Variants in CLEC16A observed in about 807,000 individuals in gnomAD.
CLEC16A encodes C-type lectin domain containing 16A.
A neutral mutation model predicts 109.5 loss-of-function variants in CLEC16A; 51 were observed. The ratio of observed to expected loss-of-function variants is 0.47; its 90% CI spans 0.37 to 0.59. The LOEUF (loss-of-function observed/expected upper bound fraction) is 0.59. Among genes scored for constraint, CLEC16A ranks in the 20% least tolerant of loss-of-function variants. The pLI is 0.00. For synonymous variants in CLEC16A, 673 were observed against 564.2 expected, an observed-to-expected ratio of 1.19 and a Z score of -2.73; for missense variants, 1,339 against 1,394.0, an observed-to-expected ratio of 0.96 and a Z score of 0.63.
At chr16:11,148,444 T>G (rs1043648380) in intron 22 of CLEC16A, among the ~76,000 whole-genome samples, 2 of 152,170 alleles carry the variant, frequency 1.3e-5, no homozygotes, top group Non-Finnish European at 2.9e-5. Flanking sequence ...GAGCAATTAC[T>G]GCATATCAGA....
intron 19 of CLEC16A, among the ~76,000 whole-genome samples, chr16:11,109,746 G>A (rs1358668033): frequency 6.6e-6 from 1 of 152,222 alleles, no homozygotes; most frequent in Non-Finnish European, 1.5e-5. Flanking sequence ...GAATTCCAGG[G>A]TGAGCCTGCC....
At chr16:11,150,271 G>T (rs1182129058) in intron 22 of CLEC16A, 1 of 152,194 alleles carries the variant, frequency 6.6e-6, no homozygotes, top group Admixed American at 6.5e-5. Context: ...ATCTGTAATT[G>T]TGTTAAGGTT....
chr16:11,015,161 G>A (rs972211189), intron 11 of CLEC16A, among the ~76,000 whole-genome samples: 2 of 152,292 alleles, frequency 1.3e-5, no homozygotes, highest in East Asian at 1.9e-4. Flanking sequence ...GATCTGATCC[G>A]CATTCATCTA....
At chr16:10,986,499 G>A (rs1003774410) in intron 10 of CLEC16A, among the ~76,000 whole-genome samples, 1 of 152,144 alleles carries the variant, frequency 6.6e-6, no homozygotes, top group African/African-American at 2.4e-5. Context: ...CCATTGCTCT[G>A]TGGAGTCACC....
rs754736550 is a variant in CLEC16A, at chr16:11,178,495, C to T, written c.2967C>T (p.Pro989=). The T allele has an allele frequency of 6.2e-7, 1 of 1,613,618 alleles. No homozygotes were observed. Among genetic ancestry groups the T allele is most frequent in the Non-Finnish European group, 8.5e-7 (1 of 1,179,886 alleles). ...LSPSLVPARQ[P]TISLLCEDTA... ...CCAGCCTCGTCCCTGCCCGGCAGCC[C>T]ACCATTTCCCTGCTCTGCGAGGACA... is the stretch of plus-strand genomic sequence containing the variant. The change falls in exon 24 of 24, where the codon CCC becomes CCT. Residue 989 remains proline (P), a synonymous_variant. Coordinates refer to ENST00000409790, the MANE Select transcript of CLEC16A (RefSeq NM_015226.3). This position sits in a 1 kb window ranked among gnomAD's most constrained non-coding sequence, Gnocchi z 6.5.
intron 11 of CLEC16A, among the ~76,000 whole-genome samples, chr16:11,013,972 G>A (rs1567196077): frequency 6.6e-6 from 1 of 151,618 alleles, no homozygotes; most frequent in East Asian, 1.9e-4. Flanking sequence ...GAAGAAATTT[G>A]GATTCTTTTT....
chr16:11,130,419 G>T (rs1162144710), intron 22 of CLEC16A, among the ~76,000 whole-genome samples: 1 of 152,306 alleles, frequency 6.6e-6, no homozygotes, highest in South Asian at 2.1e-4. Context: ...ACCTTAAGCA[G>T]CATCCCTCGG....
At chr16:10,963,814 C>T (rs1419261336) in intron 3 of CLEC16A, among the ~76,000 whole-genome samples, 5 of 152,190 alleles carry the variant, frequency 3.3e-5, no homozygotes, top group African/African-American at 1.2e-4. Context: ...CATTTGGCAT[C>T]ATCTAAAAAC....
At chr16:11,112,447 C>G (rs1488153734) in intron 19 of CLEC16A, among the ~76,000 whole-genome samples, 1 of 139,470 alleles carries the variant, frequency 7.2e-6, no homozygotes, top group African/African-American at 2.8e-5. Context: ...ACCACTTGAT[C>G]CAGGAGTTTG....
intron 10 of CLEC16A, among the ~76,000 whole-genome samples, chr16:10,984,369 C>T (rs2043501737): frequency 6.6e-6 from 1 of 152,200 alleles, no homozygotes; most frequent in African/African-American, 2.4e-5. Flanking sequence ...TTCATGGCCC[C>T]TGTCTGGCCT....
chr16:11,175,512 A>AT lies in CLEC16A; in HGVS notation c.2807-2819dup, dbSNP rs749487041. On this transcript the variant is annotated intron_variant, in intron 23 of 23. Coordinates refer to ENST00000409790, the MANE Select transcript of CLEC16A (RefSeq NM_015226.3). ...TAGAAAAAAGTGTCCTCACTGGGTA[A>AT]TTTTCCCCCCAATGAAAACCTGGCA... is the stretch of plus-strand genomic sequence containing the variant. 1.2e-3 allele frequency among the ~76,000 whole-genome samples: 176 copies of AT among 152,272 alleles called. 1 individual carries two copies. The highest frequency in any genetic ancestry group is 2.2e-3 in the Non-Finnish European group (153 of 68,016).
At chr16:11,034,621 C>T (rs1016288675) in intron 13 of CLEC16A, among the ~76,000 whole-genome samples, 7 of 152,094 alleles carry the variant, frequency 4.6e-5, no homozygotes, top group African/African-American at 1.2e-4. Flanking sequence ...CGTTCTGAGT[C>T]GGTGGGCAGC....
chr16:11,141,474 G>C (rs929065088), intron 22 of CLEC16A, among the ~76,000 whole-genome samples: 3 of 152,260 alleles, frequency 2.0e-5, no homozygotes, highest in Non-Finnish European at 4.4e-5. Context: ...GCCAGAGCAC[G>C]GGGTGTGGGG....
At chr16:11,105,517 A>G (rs1408122751) in intron 19 of CLEC16A, among the ~76,000 whole-genome samples, 2 of 152,222 alleles carry the variant, frequency 1.3e-5, no homozygotes, top group African/African-American at 4.8e-5. Flanking sequence ...AAAGATGAAG[A>G]CACACAACTG....
At chr16:11,108,025 G>A (rs757166675) in intron 19 of CLEC16A, among the ~76,000 whole-genome samples, 1 of 152,224 alleles carries the variant, frequency 6.6e-6, no homozygotes, top group African/African-American at 2.4e-5. Context: ...GGAGGCATGC[G>A]AGGCTGATTT....
At chr16:11,132,303 C>G (rs375765690) in intron 22 of CLEC16A, among the ~76,000 whole-genome samples, 4 of 136,560 alleles carry the variant, frequency 2.9e-5, no homozygotes, top group East Asian at 4.6e-4. Flanking sequence ...TATAGATTTA[C>G]GTAGTCTGGG....
intron 13 of CLEC16A, chr16:11,035,903 A>G (rs992482518): frequency 1.3e-5 from 2 of 152,318 alleles, no homozygotes; most frequent in African/African-American, 4.8e-5. Context: ...TTTAAAGGCC[A>G]TGGTGGGAAA....
rs890943377 is a variant in CLEC16A, at chr16:10,972,359, A to C, written c.599-195A>C. ...CTTGTAAGATTGTGACCCTGGTCCA[A>C]GCCACAGTTGGTTCTGCTGCCTCCT... On this transcript the variant is annotated intron_variant, in intron 5 of 23. Coordinates refer to ENST00000409790, the MANE Select transcript of CLEC16A (RefSeq NM_015226.3). 6.8e-6 allele frequency: 4 copies of C among 587,678 alleles called. No homozygotes were observed. The African/African-American group carries it at 7.6e-5, about 11-fold the overall frequency. 36.4% of individuals were successfully genotyped at this position (587,678 alleles called of 1,614,324 possible).
chr16:11,055,568 C>T (rs1227613848), intron 18 of CLEC16A, among the ~76,000 whole-genome samples: 1 of 126,946 alleles, frequency 7.9e-6, no homozygotes, highest in Non-Finnish European at 1.6e-5. Context: ...CGCCGTTTTC[C>T]CTCTTGCTTT....
Sources: allele counts gnomAD v4.1 joint callset (sites outside exome capture counted in the v4.1 genomes callset), GRCh38; gene constraint gnomAD v4.1.1; non-coding constraint Gnocchi (gnomAD v3.1); transcripts MANE v1.5; gene names NCBI Gene and HGNC (gene_info 2026-07-23, HGNC 2026-07-21).